Variants in ADAMTSL1 observed in about 807,000 individuals in gnomAD.
ADAMTSL1 encodes the protein ADAMTS-like protein 1.
ADAMTSL1 carries 126 observed loss-of-function variants against 201.8 expected under a neutral mutation model. The ratio of observed to expected loss-of-function variants is 0.62; its 90% CI spans 0.54 to 0.72. ADAMTSL1 has a LOEUF of 0.72. Among genes scored for constraint, ADAMTSL1 ranks in the 30% least tolerant of loss-of-function variants. The pLI, the probability that ADAMTSL1 is intolerant of heterozygous loss-of-function variation, is 0.00. For missense variants in ADAMTSL1, 2,679 were observed against 2,277.8 expected, an observed-to-expected ratio of 1.18 and a Z score of -3.59; for synonymous variants, 1,121 against 903.4, an observed-to-expected ratio of 1.24 and a Z score of -4.32.
intron 2 of ADAMTSL1, among the ~76,000 whole-genome samples, chr9:18,408,623 A>T (rs1818303771): frequency 6.6e-6 from 1 of 152,246 alleles, no homozygotes; most frequent in Non-Finnish European, 1.5e-5. Context: ...GACCCTACTG[A>T]AAATATTATA....
At chr9:18,302,221 G>A (rs958553477) in intron 2 of ADAMTSL1, among the ~76,000 whole-genome samples, 2 of 152,120 alleles carry the variant, frequency 1.3e-5, no homozygotes, top group African/African-American at 2.4e-5. Flanking sequence ...TCCCCCTGCT[G>A]ATGGGGGCTC....
intron 1 of ADAMTSL1, among the ~76,000 whole-genome samples, chr9:18,045,330 T>G (rs550943644): frequency 7.3e-6 from 1 of 137,214 alleles, no homozygotes; most frequent in Non-Finnish European, 1.7e-5. Context: ...TTCAAGTAAT[T>G]CTTGAATCAG....
chr9:18,661,634 A>G (rs1279845253), intron 8 of ADAMTSL1, among the ~76,000 whole-genome samples: 1 of 152,152 alleles, frequency 6.6e-6, no homozygotes, highest in Non-Finnish European at 1.5e-5. Flanking sequence ...ATATTTTTAG[A>G]TCATATAAAA....
intron 2 of ADAMTSL1, among the ~76,000 whole-genome samples, chr9:18,228,919 A>G (rs1191213568): frequency 6.6e-6 from 1 of 151,010 alleles, no homozygotes; most frequent in African/African-American, 2.4e-5. Flanking sequence ...TTAGATGACA[A>G]TTTCTTTCTC....
intron 1 of ADAMTSL1, among the ~76,000 whole-genome samples, chr9:18,073,108 C>G (rs1318340535): frequency 6.6e-6 from 1 of 152,194 alleles, no homozygotes; most frequent in African/African-American, 2.4e-5. Flanking sequence ...TTCTGAGAGG[C>G]CAGAACAGGC....
At chr9:18,855,073 C>T (rs1314594479) in intron 23 of ADAMTSL1, among the ~76,000 whole-genome samples, 1 of 152,034 alleles carries the variant, frequency 6.6e-6, no homozygotes, top group South Asian at 2.1e-4. Context: ...TACTCTGTGC[C>T]AAGAATTCTG....
rs1175696938 is a variant in ADAMTSL1, at chr9:18,777,003, C to A, written c.2774C>A (p.Thr925Lys). Reference sequence around the variant, plus strand: ...CACCTCATCAGCTCGACGCACGTCACGGTGGCCCCCTTCGGCTATCTCAAG... The same window carrying A: ...CACCTCATCAGCTCGACGCACGTCAAGGTGGCCCCCTTCGGCTATCTCAAG... Reference protein sequence around the residue: ...GQHLISSTHVTVAPFGYLKIH... With the variant: ...GQHLISSTHVKVAPFGYLKIH... Residue 925 changes from threonine to lysine, a missense_variant, in exon 19 of 29, where the codon ACG (threonine) becomes AAG (lysine). By Grantham distance (78) the Thr-to-Lys change is moderately conservative (BLOSUM62 -1). Transcript: ENST00000380548. 6.2e-7 allele frequency: 1 copy of A among 1,603,928 alleles called. No individual in the cohort carries two copies. The highest frequency in any genetic ancestry group is 8.5e-7 in the Non-Finnish European group (1 of 1,173,598).
chr9:17,919,301 A>C (rs1291553893), intron 1 of ADAMTSL1, among the ~76,000 whole-genome samples: 2 of 151,840 alleles, frequency 1.3e-5, no homozygotes, highest in East Asian at 3.8e-4. Context: ...ATTCACAAAC[A>C]GTACAATTTA....
At chr9:18,252,652 G>T (rs1831509738) in intron 2 of ADAMTSL1, among the ~76,000 whole-genome samples, 1 of 152,108 alleles carries the variant, frequency 6.6e-6, no homozygotes, top group African/African-American at 2.4e-5. Context: ...ATCCACGGTT[G>T]ATTGAGTCCA....
chr9:18,193,160 C>T lies in ADAMTSL1; in HGVS notation c.207+29179C>T, dbSNP rs185551965. On this transcript the variant is annotated intron_variant, in intron 2 of 29. Transcript: ENST00000680146. ...TTTCCCATTCCTCTCAGAACTCATC[C>T]CCAGCAGATTCAAATAACTTTCAAG... 1.5e-3 allele frequency among the ~76,000 whole-genome samples: 227 copies of T among 152,114 alleles called. 1 individual carries two copies. Among genetic ancestry groups the T allele is most frequent in the African/African-American group, 4.7e-3 (194 of 41,498 alleles).
At chr9:17,975,956 A>G (rs923704788) in intron 1 of ADAMTSL1, among the ~76,000 whole-genome samples, 4 of 152,008 alleles carry the variant, frequency 2.6e-5, no homozygotes, top group African/African-American at 7.2e-5. Flanking sequence ...AGTTTTTCCA[A>G]CACTATTTAT....
intron 1 of ADAMTSL1, among the ~76,000 whole-genome samples, chr9:18,485,468 C>A (rs1267252226): frequency 2.0e-5 from 3 of 152,176 alleles, no homozygotes; most frequent in African/African-American, 7.2e-5. Flanking sequence ...AGGAAGCTCA[C>A]AGGCACCAAA....
At chr9:18,055,470 T>TA (rs1354641577) in intron 1 of ADAMTSL1, among the ~76,000 whole-genome samples, 1 of 152,234 alleles carries the variant, frequency 6.6e-6, no homozygotes, top group Non-Finnish European at 1.5e-5. Context: ...AAGGCTATTC[T>TA]AAAAACCCTT....
chr9:18,352,878 C>T (rs1325971757), intron 2 of ADAMTSL1, among the ~76,000 whole-genome samples: 3 of 152,166 alleles, frequency 2.0e-5, no homozygotes, highest in Non-Finnish European at 4.4e-5. Flanking sequence ...AGGAATCCTC[C>T]TAGAAATATT....
intron 23 of ADAMTSL1, among the ~76,000 whole-genome samples, chr9:18,856,604 C>T (rs1826867977): frequency 6.6e-6 from 1 of 151,474 alleles, no homozygotes; most frequent in Non-Finnish European, 1.5e-5. Context: ...GCTGGGGTTA[C>T]AGGCTTGTAA....
At chr9:18,576,510 A>G (rs1372585845) in intron 4 of ADAMTSL1, among the ~76,000 whole-genome samples, 1 of 152,198 alleles carries the variant, frequency 6.6e-6, no homozygotes, top group Admixed American at 6.5e-5. Context: ...TCAAAGAGCC[A>G]CATTCTCAAG....
intron 1 of ADAMTSL1, among the ~76,000 whole-genome samples, chr9:18,055,370 T>G (rs1165330080): frequency 6.6e-6 from 1 of 152,214 alleles, no homozygotes; most frequent in Non-Finnish European, 1.5e-5. Flanking sequence ...ATGTGGTAAA[T>G]GCTGCCACAC....
At chr9:18,767,665 TA>T (rs1244050301) in intron 16 of ADAMTSL1, among the ~76,000 whole-genome samples, 3 of 152,244 alleles carry the variant, frequency 2.0e-5, no homozygotes, top group Non-Finnish European at 4.4e-5. Context: ...CACAGACATT[TA>T]TTGAGAACAT....
chr9:18,379,617 G>A (rs1166513681), intron 2 of ADAMTSL1, among the ~76,000 whole-genome samples: 1 of 152,184 alleles, frequency 6.6e-6, no homozygotes, highest in Admixed American at 6.5e-5. Flanking sequence ...GGATAGCCTG[G>A]GAGAGGAAGC....
Sources: gnomAD v4.1 joint callset for allele counts (sites outside exome capture counted in the v4.1 genomes callset) on GRCh38, gnomAD v4.1.1 for gene constraint, MANE v1.5 for transcripts, NCBI Gene and HGNC (gene_info 2026-07-23, HGNC 2026-07-21) for gene names.